DCLK3: variants seen among roughly 807,000 people sequenced by gnomAD.
DCLK3 encodes the protein doublecortin like kinase 3, also known as serine/threonine-protein kinase DCLK3.
In DCLK3, 30 loss-of-function variants were observed where a neutral mutation model predicts 46.4. The observed-to-expected ratio is 0.65, with a 90% CI of 0.48 to 0.88. DCLK3 has a LOEUF of 0.88. Among genes scored for constraint, DCLK3 ranks in the 40% least tolerant of loss-of-function variants. The probability of loss-of-function intolerance (pLI) is 0.00; values close to 1 mark genes in which losing one functional copy is unlikely to be tolerated. For missense variants in DCLK3, 846 were observed against 907.1 expected, an observed-to-expected ratio of 0.93 and a Z score of 0.87; for synonymous variants, 401 against 339.2, an observed-to-expected ratio of 1.18 and a Z score of -2.00.
intron 2 of DCLK3, among the ~76,000 whole-genome samples, chr3:36,722,396 A>G (rs1701072430): frequency 6.6e-6 from 1 of 152,232 alleles, no homozygotes; most frequent in South Asian, 2.1e-4. Context: ...GTAATCACAC[A>G]AGGATAAATG....
intron 2 of DCLK3, among the ~76,000 whole-genome samples, chr3:36,736,755 A>T (rs1013310330): frequency 6.6e-6 from 1 of 152,114 alleles, no homozygotes; most frequent in Non-Finnish European, 1.5e-5. Context: ...CCTTACACAG[A>T]CCCTTACAGT....
chr3:36,745,022 C>T (rs1701381435), intron 1 of DCLK3, among the ~76,000 whole-genome samples: 1 of 152,170 alleles, frequency 6.6e-6, no homozygotes, highest in Admixed American at 6.5e-5. Flanking sequence ...GATAAAGTAA[C>T]ATAACCTGAT....
chr3:36,746,907 C>G (rs1398306791), intron 1 of DCLK3, among the ~76,000 whole-genome samples: 1 of 152,208 alleles, frequency 6.6e-6, no homozygotes, highest in Non-Finnish European at 1.5e-5. Context: ...GTATTTCTAA[C>G]CAGGTCCCAG....
chr3:36,751,445 C>A (rs957486169), intron 1 of DCLK3, among the ~76,000 whole-genome samples: 1 of 152,190 alleles, frequency 6.6e-6, no homozygotes, highest in African/African-American at 2.4e-5. Flanking sequence ...GGTCAGCACT[C>A]AGATTAAACC....
Position 36,715,333 on chromosome 3 carries a change from A to G in DCLK3, c.2449T>C (p.Ser817Pro), listed in dbSNP as rs753547299. Residue 817 changes from serine (S) to proline (P), a missense_variant, in exon 5 of 5, where the codon TCA (serine) becomes CCA (proline). Ser to Pro is a moderately conservative substitution (Grantham distance 74). Transcript: ENST00000636136. ...ACAGATTCCCAAGGTGGTGACTATG[A>G]TACCTGCTCCACAACCCTCTTGTGC... ...SQHKRVVEQV[S>P] is the part of the protein sequence containing the mutation. 6.2e-7 allele frequency: 1 copy of G among 1,613,992 alleles called. No homozygotes were observed. Among genetic ancestry groups the G allele is most frequent in the African/African-American group, 1.3e-5 (1 of 74,892 alleles).
At chr3:36,749,526 T>A (rs1381002217) in intron 1 of DCLK3, among the ~76,000 whole-genome samples, 1 of 152,244 alleles carries the variant, frequency 6.6e-6, no homozygotes, top group Non-Finnish European at 1.5e-5. Flanking sequence ...CAGATCGATC[T>A]CATTTCTACA....
At chr3:36,744,500 C>T (rs1195560097) in intron 1 of DCLK3, among the ~76,000 whole-genome samples, 1 of 152,200 alleles carries the variant, frequency 6.6e-6, no homozygotes, top group Non-Finnish European at 1.5e-5. Flanking sequence ...AGGACTTCTG[C>T]CAAGCTGTTA....
At chr3:36,736,173 GAT>G (rs1468738222) in intron 2 of DCLK3, among the ~76,000 whole-genome samples, 1 of 152,224 alleles carries the variant, frequency 6.6e-6, no homozygotes, top group Admixed American at 6.5e-5. Flanking sequence ...AAGGACTCAT[GAT>G]AATATGTGGG....
At position 36,730,193 on chromosome 3, in the gene DCLK3, TACACACACACACAC is replaced by T. The variant is rs55833576; in HGVS notation, c.1959+7001_1959+7014del. 1.8e-4 allele frequency among the ~76,000 whole-genome samples: 26 copies of T among 143,170 alleles called. No individual in the cohort carries two copies. The East Asian group carries it at 4.2e-3, about 23-fold the overall frequency. 93.9% of individuals were successfully genotyped at this position (143,170 alleles called of 152,430 possible). ...AAAATATATGTACATACACCATATATACACACACACACACACACACACACACACACACACAAACA... is the reference window on the plus strand; with the variant it reads ...AAAATATATGTACATACACCATATATACACACACACACACACACACAAACA... On this transcript the variant is annotated intron_variant, in intron 2 of 4. Coordinates refer to ENST00000636136, the MANE Select transcript of DCLK3 (RefSeq NM_001394672.2).
chr3:36,745,888 C>A (rs949644905), intron 1 of DCLK3, among the ~76,000 whole-genome samples: 3 of 152,184 alleles, frequency 2.0e-5, no homozygotes, highest in African/African-American at 7.2e-5. Context: ...TGGAATGAAG[C>A]CTCTCTCACT....
chr3:36,737,664 G>T lies in DCLK3; in HGVS notation c.1503C>A (p.Asn501Lys). 6.2e-7 allele frequency: 1 copy of T among 1,613,858 alleles called. No individual in the cohort carries two copies. Among genetic ancestry groups the T allele is most frequent in the Non-Finnish European group, 8.5e-7 (1 of 1,179,908 alleles). Residue 501 changes from asparagine (N) to lysine (K), a missense_variant, in exon 2 of 5, where the codon AAC becomes AAA. By Grantham distance (94) the Asn-to-Lys change is moderately conservative. This residue lies in a region of DCLK3 where 553 missense variants were observed against 543.0 expected (regional missense o/e 1.02). Coordinates refer to ENST00000636136, the MANE Select transcript of DCLK3 (RefSeq NM_001394672.2). The surrounding 1 kb of genome is among the most constrained non-coding windows in gnomAD (Gnocchi z 4.4). ...EKEPKTRPEE[N>K]KPERPSGRKP... The stretch of plus-strand genomic sequence containing the variant: ...TCCGACCGCTGGGCCGCTCTGGCTT[G>T]TTCTCTTCTGGCCTCGTCTTGGGCT...
chr3:36,746,621 C>T (rs1196192676), intron 1 of DCLK3, among the ~76,000 whole-genome samples: 3 of 152,200 alleles, frequency 2.0e-5, no homozygotes, highest in Admixed American at 6.5e-5. Context: ...GAGCATTTTC[C>T]TCTCTTTCCA....
chr3:36,716,006 G>A (rs1055301529), intron 4 of DCLK3, among the ~76,000 whole-genome samples: 17 of 152,140 alleles, frequency 1.1e-4, no homozygotes, highest in Non-Finnish European at 1.6e-4. Flanking sequence ...AATAAAATAT[G>A]TTCAATCTTT....
At position 36,712,483 on chromosome 3, in the gene DCLK3, G is replaced by A. The variant is rs1321544067; in HGVS notation, c.*2845C>T. The stretch of plus-strand genomic sequence containing the variant: ...ACAATAAACTGCACATAACAAAAGT[G>A]TACAATTTGGTAAGTTTTGACATAT... On this transcript the variant is annotated 3_prime_UTR_variant, in exon 5 of 5. Transcript: ENST00000636136. The A allele has an allele frequency of 2.0e-5, 3 of 152,104 alleles. No individual in the cohort carries two copies. The highest frequency in any genetic ancestry group is 4.4e-5 in the Non-Finnish European group (3 of 68,006). 9.4% of individuals were successfully genotyped at this position (152,104 alleles called of 1,614,324 possible).
At chr3:36,725,985 G>T (rs1023644930) in intron 2 of DCLK3, among the ~76,000 whole-genome samples, 1 of 152,008 alleles carries the variant, frequency 6.6e-6, no homozygotes, top group African/African-American at 2.4e-5. Flanking sequence ...CCCCAACAAG[G>T]GATTTGATAC....
At chr3:36,717,842 G>A (rs1701003921) in intron 4 of DCLK3, among the ~76,000 whole-genome samples, 168 bp downstream of exon 4, 1 of 152,196 alleles carries the variant, frequency 6.6e-6, no homozygotes, top group East Asian at 1.9e-4. Flanking sequence ...AGCAAGCCAT[G>A]TTTTCAGAGT....
intron 1 of DCLK3, among the ~76,000 whole-genome samples, chr3:36,761,650 T>C (rs1026133622): frequency 1.5e-4 from 23 of 152,208 alleles, no homozygotes; most frequent in Admixed American, 6.5e-5. Flanking sequence ...CCAGATCAGA[T>C]ACAATGACCC....
At chr3:36,747,783 A>G (rs984268701) in intron 1 of DCLK3, among the ~76,000 whole-genome samples, 10 of 152,160 alleles carry the variant, frequency 6.6e-5, no homozygotes, top group Non-Finnish European at 1.0e-4. Flanking sequence ...GCATATTTTG[A>G]TCCCCTTTAC....
chr3:36,747,093 C>T (rs375072355), intron 1 of DCLK3, among the ~76,000 whole-genome samples: 2 of 152,178 alleles, frequency 1.3e-5, no homozygotes, highest in East Asian at 3.9e-4. Flanking sequence ...CAGTGAAACA[C>T]AAAGTCCAGC....
Sources: allele counts gnomAD v4.1 joint callset (sites outside exome capture counted in the v4.1 genomes callset), GRCh38; gene constraint gnomAD v4.1.1; regional missense constraint gnomAD v4.1.1; non-coding constraint Gnocchi (gnomAD v3.1); transcripts MANE v1.5; gene names NCBI Gene and HGNC (gene_info 2026-07-23, HGNC 2026-07-21).